KANK4: variants seen among roughly 807,000 people sequenced by gnomAD.
KANK4 encodes KN motif and ankyrin repeat domain-containing protein 4.
Under a neutral mutation model 80.8 loss-of-function variants are expected in KANK4, and 50 were observed. The ratio of observed to expected loss-of-function variants is 0.62; its 90% CI spans 0.49 to 0.78. The LOEUF (loss-of-function observed/expected upper bound fraction) is 0.78, where lower values mean the gene tolerates loss of function less well. KANK4 is among the 30% of genes least tolerant of loss of function. The pLI is 0.00. For synonymous variants in KANK4, 465 were observed against 506.9 expected (o/e 0.92, Z 1.11); for missense variants, 1,196 against 1,240.1 (o/e 0.96, Z 0.53).
chr1:62,262,577 A>AT (rs1557479239), intron 7 of KANK4, among the ~76,000 whole-genome samples: 3 of 151,868 alleles, frequency 2.0e-5, no homozygotes, highest in Non-Finnish European at 4.4e-5. Flanking sequence ...TATATATATA[A>AT]AAAATAAATA....
chr1:62,289,743 GA>G (rs1472796187), intron 1 of KANK4, among the ~76,000 whole-genome samples: 2 of 152,162 alleles, frequency 1.3e-5, no homozygotes, highest in Non-Finnish European at 2.9e-5. Context: ...TATTTGGGGG[GA>G]AAGAGATGGG....
chr1:62,299,936 C>T (rs995768650), intron 1 of KANK4, among the ~76,000 whole-genome samples: 2 of 152,100 alleles, frequency 1.3e-5, no homozygotes, highest in South Asian at 4.1e-4. Flanking sequence ...GGTCAGAAGG[C>T]GTTTTGGGCC....
intron 1 of KANK4, among the ~76,000 whole-genome samples, chr1:62,290,813 C>T (rs1202158399): frequency 1.3e-5 from 2 of 151,140 alleles, no homozygotes; most frequent in Non-Finnish European, 2.9e-5. Context: ...GGCGCGATCT[C>T]GGCTCACTGC....
At chr1:62,294,474 C>T (rs1250463035) in intron 1 of KANK4, among the ~76,000 whole-genome samples, 1 of 152,232 alleles carries the variant, frequency 6.6e-6, no homozygotes, top group African/African-American at 2.4e-5. Context: ...CTGCAGGCAT[C>T]AGCTGGGTGC....
chr1:62,292,903 C>A (rs193121264), intron 1 of KANK4, among the ~76,000 whole-genome samples: 1 of 152,188 alleles, frequency 6.6e-6, no homozygotes, highest in African/African-American at 2.4e-5. Flanking sequence ...TCTAGTCCTG[C>A]CATCCACCTT....
chr1:62,304,165 A>G (rs1644433216), intron 1 of KANK4, among the ~76,000 whole-genome samples: 1 of 152,036 alleles, frequency 6.6e-6, no homozygotes, highest in Non-Finnish European at 1.5e-5. Context: ...ATGAGCCACC[A>G]TGCCCGGACC....
intron 9 of KANK4, among the ~76,000 whole-genome samples, chr1:62,244,703 C>A (rs910673217): frequency 6.6e-6 from 1 of 152,126 alleles, no homozygotes; most frequent in Non-Finnish European, 1.5e-5. Context: ...TGCCCAGTCT[C>A]GGGTATGTCT....
At chr1:62,306,989 T>C (rs1056598186) in intron 1 of KANK4, among the ~76,000 whole-genome samples, 10 of 152,210 alleles carry the variant, frequency 6.6e-5, no homozygotes, top group African/African-American at 1.9e-4. Flanking sequence ...ATACAATAAA[T>C]ATTGGCCAAG....
rs200791345 is a variant in KANK4 at position 62,268,279 on chromosome 1, T to C, written c.2231+8A>G. 55 of 1,611,550 alleles carry C rather than the reference T, an allele frequency of 3.4e-5. No individual in the cohort carries two copies. Among genetic ancestry groups the C allele is most frequent in the South Asian group, 6.6e-5 (6 of 90,896 alleles). ...AACAAGTGCCCGCGTTTGTGTCCATTTGCTCACCTCTCGGCCTTGGAGTGG... is the reference window on the plus strand; with the variant it reads ...AACAAGTGCCCGCGTTTGTGTCCATCTGCTCACCTCTCGGCCTTGGAGTGG... On this transcript the variant is annotated splice_region_variant and intron_variant, in intron 5 of 9. Coordinates refer to ENST00000371153, the MANE Select transcript of KANK4 (RefSeq NM_181712.5).
At chr1:62,299,221 C>T (rs1045039604) in intron 1 of KANK4, among the ~76,000 whole-genome samples, 1 of 152,092 alleles carries the variant, frequency 6.6e-6, no homozygotes, top group Non-Finnish European at 1.5e-5. Context: ...TGATGCCTGG[C>T]TAATTTTTAA....
chr1:62,268,076 G>T (rs915869151), intron 5 of KANK4, among the ~76,000 whole-genome samples: 12 of 152,186 alleles, frequency 7.9e-5, no homozygotes, highest in African/African-American at 2.9e-4. Context: ...TTTACAGGTA[G>T]ATATCGGCTG....
rs150802125 is a variant in KANK4, at chr1:62,285,786, GA to G, written c.-70-4153del. 7.1e-3 allele frequency among the ~76,000 whole-genome samples: 994 copies of G among 139,164 alleles called. 12 individuals are homozygous for G. The highest frequency in any genetic ancestry group is 0.035 in the Admixed American group (491 of 13,932). The allele number at this position is 139,164 out of a possible 152,430, so 91.3% of individuals were successfully genotyped here. On this transcript the variant is annotated intron_variant, in intron 1 of 9. Transcript: ENST00000371153. ...CAAAGACAAAGCACTCTTTCCATAA[GA>G]AAAAAAAAAAAATCACCTGTACCTT...
chr1:62,281,728 T>C, intron 1 of KANK4, 94 bp from the exon 2 acceptor site: 1 of 816,308 alleles, frequency 1.2e-6, no homozygotes, highest in Non-Finnish European at 2.1e-6. Context: ...CATCCATCCC[T>C]GCCTTTCTCC....
intron 2 of KANK4, among the ~76,000 whole-genome samples, chr1:62,275,734 C>G (rs1672294701): frequency 6.6e-6 from 1 of 151,982 alleles, no homozygotes; most frequent in Non-Finnish European, 1.5e-5. Flanking sequence ...GTGAAAACTG[C>G]CTAGTGCTTA....
At chr1:62,277,045 T>C (rs182337796) in intron 2 of KANK4, among the ~76,000 whole-genome samples, 160 of 152,320 alleles carry the variant, frequency 1.1e-3, no homozygotes, top group Middle Eastern at 6.8e-3. Flanking sequence ...CACCCATTTA[T>C]TGAGCACCTA....
Position 62,247,479 on chromosome 1 carries a change from G to A in KANK4, c.2876C>T (p.Thr959Ile), listed in dbSNP as rs904721599. Residue 959 changes from threonine to isoleucine, a missense_variant, in exon 9 of 10, where the codon ACT (threonine) becomes ATT (isoleucine). This residue lies in a region of KANK4 where 1,154 missense variants were observed against 1,179.6 expected (regional missense o/e 0.98). Coordinates refer to ENST00000371153, the MANE Select transcript of KANK4 (RefSeq NM_181712.5). ...ATTGCCTGTAAGTCTCACCTTGTCA[G>A]TCAGGCTGCTGTCGCAGGCTGGGTG... ...LAHPACDSSL[T>I]DKAGRTALSI... The A allele has an allele frequency of 6.2e-7, 1 of 1,613,862 alleles. No individual in the cohort carries two copies. The highest frequency in any genetic ancestry group is 1.7e-5 in the Admixed American group (1 of 60,002).
intron 7 of KANK4, among the ~76,000 whole-genome samples, chr1:62,261,901 C>T (rs1216640749): frequency 3.9e-5 from 6 of 152,158 alleles, no homozygotes; most frequent in South Asian, 4.1e-4. Flanking sequence ...GAACTAGACA[C>T]GCTCTCATTT....
intron 7 of KANK4, among the ~76,000 whole-genome samples, chr1:62,259,426 GC>G: frequency 6.6e-6 from 1 of 152,094 alleles, no homozygotes; most frequent in Admixed American, 6.5e-5. Context: ...ACAGGCGTGT[GC>G]CATCACGCCT....
At chr1:62,240,324 T>C (rs534180464) in intron 9 of KANK4, among the ~76,000 whole-genome samples, 1 of 152,352 alleles carries the variant, frequency 6.6e-6, no homozygotes, top group South Asian at 2.1e-4. Context: ...TTTTGAGAAG[T>C]GTCTGTTCAT....
Sources: allele counts gnomAD v4.1 joint callset (sites outside exome capture counted in the v4.1 genomes callset), GRCh38; gene constraint gnomAD v4.1.1; regional missense constraint gnomAD v4.1.1; transcripts MANE v1.5; gene names NCBI Gene and HGNC (gene_info 2026-07-23, HGNC 2026-07-21).